The following EPB41L4A variants were observed in gnomAD, a reference collection of about 807,000 sequenced individuals.
The protein encoded by EPB41L4A is band 4.1-like protein 4A.
Under a neutral mutation model 108.6 loss-of-function variants are expected in EPB41L4A, and 100 were observed. The observed-to-expected ratio is 0.92, with a 90% confidence interval of 0.78 to 1.09. The LOEUF (loss-of-function observed/expected upper bound fraction) is 1.09. EPB41L4A is among the 50% of genes least tolerant of loss of function. The pLI, the probability that EPB41L4A is intolerant of heterozygous loss-of-function variation, is 0.00. For synonymous variants in EPB41L4A, 319 were observed against 289.0 expected, an observed-to-expected ratio of 1.10 and a Z score of -1.05; for missense variants, 1,030 against 842.7, an observed-to-expected ratio of 1.22 and a Z score of -2.75.
chr5:112,301,445 T>TA (rs2150565144), intron 2 of EPB41L4A, among the ~76,000 whole-genome samples: 1 of 152,314 alleles, frequency 6.6e-6, no homozygotes, highest in South Asian at 2.1e-4. Flanking sequence ...CCAGCAGGGC[T>TA]ACCAGACTCC....
In EPB41L4A at chr5:112,155,998, C is replaced by G. The variant is rs76024723; in HGVS notation, n.994+2403G>C. The stretch of plus-strand genomic sequence containing the variant: ...AAATAACTATAGTCTCATCCATAAA[C>G]AGAACTGCAGTAACTCTAAACAGAA... On this transcript the variant is annotated intron_variant and non_coding_transcript_variant, in intron 12 of 13. Coordinates refer to the EPB41L4A transcript ENST00000507810. Among the ~76,000 whole-genome samples, 284 of 152,068 alleles carry G rather than the reference C, an allele frequency of 1.9e-3. 1 individual carries two copies. The highest frequency in any genetic ancestry group is 6.3e-3 in the African/African-American group (261 of 41,514).
intron 15 of EPB41L4A, among the ~76,000 whole-genome samples, chr5:112,202,236 C>G (rs1473054882): frequency 6.6e-6 from 1 of 152,146 alleles, no homozygotes; most frequent in African/African-American, 2.4e-5. Flanking sequence ...GTCTAGCATC[C>G]ATCACGGTGC....
In EPB41L4A at chr5:112,164,261, T is replaced by C. The variant is rs971951597; in HGVS notation, c.*729A>G. The C allele has an allele frequency of 6.6e-6, 1 of 152,204 alleles. No homozygotes were observed. The highest frequency in any genetic ancestry group is 1.5e-5 in the Non-Finnish European group (1 of 68,034). The allele number at this position is 152,204 out of a possible 1,614,324, so 9.4% of individuals were successfully genotyped here. A position where few individuals can be genotyped will look rare whatever the true frequency, so the allele number is the denominator to read the frequency against. On this transcript the variant is annotated 3_prime_UTR_variant, in exon 23 of 23. Coordinates refer to ENST00000261486, the MANE Select transcript of EPB41L4A (RefSeq NM_022140.5). ...ATAAAGAACTTTATATGAATAAAAA[T>C]ATATGCAGTCTGAAAGTGATGCCTC...
intron 18 of EPB41L4A, among the ~76,000 whole-genome samples, chr5:112,182,058 GAA>G (rs1213394985): frequency 1.4e-5 from 2 of 142,444 alleles, no homozygotes; most frequent in Non-Finnish European, 1.5e-5. Context: ...GGGTGACAGA[GAA>G]AAAAAAAAAA....
intron 1 of EPB41L4A, among the ~76,000 whole-genome samples, chr5:112,344,614 T>C (rs1757520612): frequency 6.6e-6 from 1 of 152,340 alleles, no homozygotes; most frequent in East Asian, 1.9e-4. Context: ...TCCTAGACAA[T>C]TTGGGTGGGT....
chr5:112,409,378 C>T (rs1762282027), intron 1 of EPB41L4A, among the ~76,000 whole-genome samples: 1 of 152,086 alleles, frequency 6.6e-6, no homozygotes, highest in Non-Finnish European at 1.5e-5. Flanking sequence ...TTTCTTTCTG[C>T]AGGGACGAAA....
chr5:112,218,258 T>A (rs973618790), intron 12 of EPB41L4A, among the ~76,000 whole-genome samples: 3 of 152,220 alleles, frequency 2.0e-5, no homozygotes, highest in Non-Finnish European at 4.4e-5. Flanking sequence ...CTGCCAGATG[T>A]GGTAACAGGA....
intron 19 of EPB41L4A, among the ~76,000 whole-genome samples, chr5:112,170,744 G>C (rs1013979029): frequency 6.6e-6 from 1 of 152,184 alleles, no homozygotes; most frequent in African/African-American, 2.4e-5. Context: ...CCCAAGGTGA[G>C]GAGGTGTCAG....
chr5:112,356,529 T>G (rs1026032835), intron 1 of EPB41L4A, among the ~76,000 whole-genome samples: 1 of 152,246 alleles, frequency 6.6e-6, no homozygotes, highest in African/African-American at 2.4e-5. Flanking sequence ...TGCTAGAAAG[T>G]GCTTTAATAA....
intron 10 of EPB41L4A, among the ~76,000 whole-genome samples, chr5:112,240,422 A>C (rs1297258117): frequency 2.0e-5 from 3 of 152,192 alleles, no homozygotes; most frequent in Non-Finnish European, 4.4e-5. Context: ...CCAATACTAC[A>C]TAGGTGCTAG....
chr5:112,176,430 C>G (rs1760865197), intron 18 of EPB41L4A, among the ~76,000 whole-genome samples: 1 of 152,164 alleles, frequency 6.6e-6, no homozygotes, highest in Non-Finnish European at 1.5e-5. Context: ...CTTGGCATCT[C>G]AAACCTAACA....
chr5:112,205,766 A>G (rs1319796638), intron 13 of EPB41L4A, among the ~76,000 whole-genome samples: 1 of 152,152 alleles, frequency 6.6e-6, no homozygotes, highest in African/African-American at 2.4e-5. Context: ...AATTGTTAAG[A>G]AACTCTAGAG....
intron 1 of EPB41L4A, among the ~76,000 whole-genome samples, chr5:112,325,912 G>T (rs563890841): frequency 6.6e-6 from 1 of 152,200 alleles, no homozygotes; most frequent in Non-Finnish European, 1.5e-5. Flanking sequence ...AGCAACTCAG[G>T]AGGCTAAGGT....
intron 1 of EPB41L4A, among the ~76,000 whole-genome samples, chr5:112,332,686 C>A (rs1281061903): frequency 6.6e-6 from 1 of 152,102 alleles, no homozygotes; most frequent in Non-Finnish European, 1.5e-5. Context: ...TTTAGTCCCC[C>A]CTGCTAATTC....
chr5:112,212,417 C>T (rs1015979672), intron 12 of EPB41L4A, among the ~76,000 whole-genome samples: 3 of 151,960 alleles, frequency 2.0e-5, no homozygotes, highest in Non-Finnish European at 4.4e-5. Flanking sequence ...CTCAGACTCC[C>T]AAGTAGCTGG....
Position 112,336,259 on chromosome 5 carries a change from T to C in EPB41L4A, c.100-28769A>G, listed in dbSNP as rs71579183. ...CCAAAGATGGATGGGGAGGGGGCAG[T>C]GGAAATTGAACCTGCATCGACTTGT... On this transcript the variant is annotated intron_variant, in intron 1 of 22. Coordinates refer to ENST00000261486, the MANE Select transcript of EPB41L4A (RefSeq NM_022140.5). Among the ~76,000 whole-genome samples the C allele has an allele frequency of 4.3e-3, 662 of 152,236 alleles. 4 individuals are homozygous for C. Among genetic ancestry groups the C allele is most frequent in the Non-Finnish European group, 6.5e-3 (444 of 68,020 alleles).
chr5:112,157,851 G>T (rs185763229), downstream of EPB41L4A, among the ~76,000 whole-genome samples: 2 of 152,306 alleles, frequency 1.3e-5, no homozygotes, highest in Admixed American at 1.3e-4. Context: ...GGAAACCCAG[G>T]TTGCTTCACA....
chr5:112,239,200 T>C (rs777606651), intron 11 of EPB41L4A, among the ~76,000 whole-genome samples: 5 of 152,192 alleles, frequency 3.3e-5, no homozygotes, highest in Non-Finnish European at 5.9e-5. Flanking sequence ...CTCAATAAAG[T>C]TGAGATATAA....
intron 1 of EPB41L4A, among the ~76,000 whole-genome samples, chr5:112,410,238 G>A (rs1484213182): frequency 6.6e-6 from 1 of 152,174 alleles, no homozygotes; most frequent in Non-Finnish European, 1.5e-5. Context: ...CAAGTATGAG[G>A]AGATGGTGGG....
Sources: gnomAD v4.1 joint callset for allele counts (sites outside exome capture counted in the v4.1 genomes callset) on GRCh38, gnomAD v4.1.1 for gene constraint, MANE v1.5 for transcripts, NCBI Gene and HGNC (gene_info 2026-07-23, HGNC 2026-07-21) for gene names.